The following RBFOX1 variants were observed in gnomAD, a reference collection of about 807,000 sequenced individuals.
The protein encoded by RBFOX1 is RNA binding protein fox-1 homolog 1.
RBFOX1 carries 8 observed loss-of-function variants against 57.7 expected under a neutral mutation model. That is an observed-to-expected ratio of 0.14 (90% CI 0.08 to 0.25). The LOEUF (loss-of-function observed/expected upper bound fraction) is 0.25. Ranked by LOEUF, RBFOX1 falls within the 10% of genes least tolerant of loss-of-function variation. The pLI, the probability that RBFOX1 is intolerant of heterozygous loss-of-function variation, is 1.00. For synonymous variants in RBFOX1, 326 were observed against 222.4 expected, an observed-to-expected ratio of 1.47 and a Z score of -4.15; for missense variants, 611 against 548.5, an observed-to-expected ratio of 1.11 and a Z score of -1.14.
chr16:5,486,621 C>A (rs192088410), intron 2 of RBFOX1, among the ~76,000 whole-genome samples: 8 of 152,292 alleles, frequency 5.3e-5, no homozygotes, highest in Non-Finnish European at 1.0e-4. Context: ...CAGAACATCT[C>A]TTTCTTCCCC....
chr16:6,818,759 G>C (rs1382870396), intron 3 of RBFOX1, among the ~76,000 whole-genome samples: 1 of 152,158 alleles, frequency 6.6e-6, no homozygotes, highest in Non-Finnish European at 1.5e-5. Flanking sequence ...CTTCACAAGG[G>C]GGAGTGTGAT....
chr16:5,842,492 G>C (rs2056650271), intron 3 of RBFOX1, among the ~76,000 whole-genome samples: 2 of 152,186 alleles, frequency 1.3e-5, no homozygotes, highest in African/African-American at 2.4e-5. Flanking sequence ...GCCTGCCACT[G>C]TGTCATTTCA....
At chr16:7,593,802 T>G (rs377675071) in intron 7 of RBFOX1, among the ~76,000 whole-genome samples, 2 of 151,892 alleles carry the variant, frequency 1.3e-5, no homozygotes, top group Admixed American at 6.6e-5. Flanking sequence ...GTATCAGGGG[T>G]GGGGATGTCT....
chr16:7,392,933 G>A (rs547404460), intron 4 of RBFOX1, among the ~76,000 whole-genome samples: 1 of 152,222 alleles, frequency 6.6e-6, no homozygotes, highest in Admixed American at 6.5e-5. Context: ...GAGTGCAGTG[G>A]CATGATCTCG....
intron 3 of RBFOX1, among the ~76,000 whole-genome samples, chr16:6,766,157 A>G (rs1046888707): frequency 1.3e-5 from 2 of 152,154 alleles, no homozygotes; most frequent in Non-Finnish European, 2.9e-5. Flanking sequence ...AAAAAGAAAA[A>G]AAAGCAAAAT....
At chr16:6,940,165 C>G (rs937751447) in intron 3 of RBFOX1, among the ~76,000 whole-genome samples, 8 of 151,928 alleles carry the variant, frequency 5.3e-5, no homozygotes, top group African/African-American at 9.7e-5. Flanking sequence ...CCACTCCAGT[C>G]TGGGCAACAG....
At chr16:6,681,474 C>G (rs116976051) in intron 3 of RBFOX1, among the ~76,000 whole-genome samples, 1 of 152,132 alleles carries the variant, frequency 6.6e-6, no homozygotes, top group Non-Finnish European at 1.5e-5. Context: ...CCAGATTTAG[C>G]AGAAGTAGTT....
chr16:5,644,178 G>A (rs2048972297), intron 3 of RBFOX1, among the ~76,000 whole-genome samples: 1 of 152,172 alleles, frequency 6.6e-6, no homozygotes, highest in Non-Finnish European at 1.5e-5. Flanking sequence ...TATAATTTTA[G>A]CCCCTTGTAG....
At chr16:7,393,011 C>G (rs2098067554) in intron 4 of RBFOX1, among the ~76,000 whole-genome samples, 2 of 152,046 alleles carry the variant, frequency 1.3e-5, no homozygotes, top group African/African-American at 4.8e-5. Flanking sequence ...ATAGCTGGGA[C>G]TACAGGCCCA....
chr16:6,996,809 C>G (rs571204973), intron 3 of RBFOX1, among the ~76,000 whole-genome samples: 2 of 152,162 alleles, frequency 1.3e-5, no homozygotes, highest in South Asian at 4.2e-4. Context: ...TATGGCCAGT[C>G]TATGAGTTGA....
chr16:6,779,073 G>C (rs761708096), intron 3 of RBFOX1, among the ~76,000 whole-genome samples: 20 of 151,974 alleles, frequency 1.3e-4, no homozygotes, highest in East Asian at 7.7e-4. Context: ...GTTAACTATA[G>C]TTGTCCTATT....
chr16:6,376,497 A>G (rs909412469), intron 2 of RBFOX1, among the ~76,000 whole-genome samples: 10 of 152,138 alleles, frequency 6.6e-5, no homozygotes, highest in Non-Finnish European at 5.9e-5. Context: ...AGTTGCTGGC[A>G]TTCCCTGGCA....
chr16:6,072,081 C>G (rs1005419044), intron 1 of RBFOX1, among the ~76,000 whole-genome samples: 5 of 152,272 alleles, frequency 3.3e-5, no homozygotes, highest in Admixed American at 2.0e-4. Context: ...CTGGGGAGAC[C>G]TCACAATCAT....
Position 7,127,762 on chromosome 16 carries a change from C to A in RBFOX1, c.27+75664C>A, listed in dbSNP as rs114253926. Among the ~76,000 whole-genome samples, 955 of 152,272 alleles carry A rather than the reference C, an allele frequency of 6.3e-3. 16 individuals carry two copies. The highest frequency in any genetic ancestry group is 0.021 in the African/African-American group (876 of 41,566). ...TTATCTTCTGCATTCTTCCTCATAGCCCCGTGGAGGCAGGCTGAAGCCTTG... is the reference window on the plus strand; with the variant it reads ...TTATCTTCTGCATTCTTCCTCATAGACCCGTGGAGGCAGGCTGAAGCCTTG... On this transcript the variant is annotated intron_variant, in intron 4 of 15. Coordinates refer to ENST00000550418, the MANE Select transcript of RBFOX1 (RefSeq NM_018723.4).
intron 4 of RBFOX1, among the ~76,000 whole-genome samples, chr16:7,445,085 C>T (rs2098798087): frequency 6.9e-6 from 1 of 144,840 alleles, no homozygotes; most frequent in African/African-American, 2.7e-5. Flanking sequence ...AAAATACTGT[C>T]TTGTCAGCTG....
chr16:7,336,575 C>T (rs1248038139), intron 4 of RBFOX1, among the ~76,000 whole-genome samples: 2 of 152,210 alleles, frequency 1.3e-5, no homozygotes, highest in Non-Finnish European at 2.9e-5. Flanking sequence ...TGTGGGTTCA[C>T]AATCTAGTGG....
chr16:5,354,004 A>G (rs1050530965), intron 1 of RBFOX1, among the ~76,000 whole-genome samples: 2 of 152,256 alleles, frequency 1.3e-5, no homozygotes, highest in African/African-American at 4.8e-5. Context: ...GAAGGCTGGG[A>G]TGACTTACCA....
Position 5,817,715 on chromosome 16 carries a change from G to C in RBFOX1, c.319-49588G>C, listed in dbSNP as rs1340167725. Among the ~76,000 whole-genome samples, 5 of 116,038 alleles carry C rather than the reference G, an allele frequency of 4.3e-5. No individual in the cohort carries two copies. The South Asian group carries it at 1.3e-3, about 31-fold the overall frequency. 76.1% of individuals were successfully genotyped at this position (116,038 alleles called of 152,430 possible). A position where few individuals can be genotyped will look rare whatever the true frequency, so the allele number is the denominator to read the frequency against. On this transcript the variant is annotated intron_variant, in intron 3 of 19. Coordinates refer to the RBFOX1 transcript ENST00000641259. ...GTGGGCTGTATTTTTTTTTTTTTTT[G>C]AGACGGAGTCTTGCTGTCACCCAGG...
intron 3 of RBFOX1, among the ~76,000 whole-genome samples, chr16:5,653,755 G>C (rs892260961): frequency 6.6e-6 from 1 of 152,202 alleles, no homozygotes; most frequent in Non-Finnish European, 1.5e-5. Context: ...CAGGCCAGGG[G>C]TGGGGTGGCT....
Sources: allele counts gnomAD v4.1 joint callset (sites outside exome capture counted in the v4.1 genomes callset), GRCh38; gene constraint gnomAD v4.1.1; transcripts MANE v1.5; gene names NCBI Gene and HGNC (gene_info 2026-07-23, HGNC 2026-07-21).